The following SPPL3 variants were observed in gnomAD, a reference collection of about 807,000 sequenced individuals.
SPPL3 encodes signal peptide peptidase-like 3.
Under a neutral mutation model 42.4 loss-of-function variants are expected in SPPL3, and 5 were observed. The observed-to-expected ratio is 0.12, with a 90% CI of 0.06 to 0.25. The LOEUF is 0.25. Ranked by LOEUF, SPPL3 falls within the 10% of genes least tolerant of loss-of-function variation. SPPL3 has a pLI of 1.00. For missense variants in SPPL3, 235 were observed against 489.0 expected (o/e 0.48, Z 4.90); for synonymous variants, 195 against 181.8 (o/e 1.07, Z -0.58).
At chr12:120,834,939 T>C (rs981021388) in intron 1 of SPPL3, among the ~76,000 whole-genome samples, 3 of 152,210 alleles carry the variant, frequency 2.0e-5, no homozygotes, top group Non-Finnish European at 2.9e-5. Context: ...ATTAATACTT[T>C]AGAGATGGAA....
Position 120,794,823 on chromosome 12 carries a change from T to C in SPPL3, c.102-3266A>G, listed in dbSNP as rs147166816. Among the ~76,000 whole-genome samples the C allele has an allele frequency of 1.4e-4, 21 of 152,310 alleles. 1 individual carries two copies. Among genetic ancestry groups the C allele is most frequent in the Admixed American group, 5.2e-4 (8 of 15,304 alleles). On this transcript the variant is annotated intron_variant, in intron 2 of 10. Transcript: ENST00000353487. The stretch of plus-strand genomic sequence containing the variant: ...TATTTTATTTCCCCTTAACCTGACT[T>C]TGTTTGGATTAATATAGCATTTTTT...
intron 1 of SPPL3, among the ~76,000 whole-genome samples, chr12:120,867,881 G>A (rs1872803692): frequency 6.6e-6 from 1 of 151,804 alleles, no homozygotes; most frequent in Non-Finnish European, 1.5e-5. Flanking sequence ...CCGAGTAGCT[G>A]GGATTACAGG....
Position 120,782,733 on chromosome 12 carries a change from C to T in SPPL3, c.424G>A (p.Ala142Thr). ...GACAGAGAGAATGACAGCAACTCAG[C>T]AGCAGTGAAACGTCCACAGCAACCA... The part of the protein sequence containing the change: ...SFGCCGRFTA[A>T]ELLSFSLSVM... Residue 142 changes from alanine to threonine, a missense_variant, in exon 6 of 11, where the codon GCT becomes ACT. Transcript: ENST00000353487. The T allele has an allele frequency of 6.2e-7, 1 of 1,609,438 alleles. No homozygotes were observed. Among genetic ancestry groups the T allele is most frequent in the South Asian group, 1.1e-5 (1 of 90,250 alleles).
At chr12:120,819,993 T>C (rs1227124301) in intron 1 of SPPL3, among the ~76,000 whole-genome samples, 1 of 152,146 alleles carries the variant, frequency 6.6e-6, no homozygotes, top group Non-Finnish European at 1.5e-5. Context: ...TTAGTAGTAC[T>C]ATGAAAACCG....
intron 1 of SPPL3, among the ~76,000 whole-genome samples, chr12:120,897,248 T>C (rs2137071302): frequency 6.6e-6 from 1 of 152,314 alleles, no homozygotes; most frequent in Non-Finnish European, 1.5e-5. Flanking sequence ...ACCTGATACT[T>C]ACAGGCTGAT....
intron 1 of SPPL3, among the ~76,000 whole-genome samples, chr12:120,859,532 AAC>A (rs1323930619): frequency 1.3e-5 from 2 of 152,228 alleles, no homozygotes; most frequent in Non-Finnish European, 2.9e-5. Context: ...CAGTACTTGA[AAC>A]ACAAATCCTG....
intron 1 of SPPL3, among the ~76,000 whole-genome samples, chr12:120,851,903 C>T (rs901958160): frequency 6.6e-6 from 1 of 152,144 alleles, no homozygotes; most frequent in Non-Finnish European, 1.5e-5. Flanking sequence ...CGTACCTGGC[C>T]CGTTTCACAC....
At chr12:120,874,504 CAT>C (rs1873024453) in intron 1 of SPPL3, among the ~76,000 whole-genome samples, 1 of 146,790 alleles carries the variant, frequency 6.8e-6, no homozygotes, top group African/African-American at 2.5e-5. Flanking sequence ...ATGTAAAAGA[CAT>C]GTTTAAAACA....
In SPPL3 at chr12:120,816,121, T is replaced by C. The variant is rs552360170; in HGVS notation, c.24-5235A>G. Among the ~76,000 whole-genome samples the C allele has an allele frequency of 2.6e-5, 4 of 152,302 alleles. No individual in the cohort carries two copies. In the East Asian group the frequency reaches 7.7e-4, roughly 29 times the overall value. ...GAGCTGTAGCTACTGACTTTCTTCA[T>C]AGTCTGTTTTTCTAGATGAAGGTTT... On this transcript the variant is annotated intron_variant, in intron 1 of 10. Coordinates refer to ENST00000353487, the MANE Select transcript of SPPL3 (RefSeq NM_139015.5).
intron 1 of SPPL3, among the ~76,000 whole-genome samples, chr12:120,843,902 G>A (rs1871925882): frequency 1.3e-5 from 2 of 152,160 alleles, no homozygotes; most frequent in East Asian, 1.9e-4. Context: ...AGGTTGCAGC[G>A]AGCCAGGGTC....
chr12:120,764,978 G>A lies in SPPL3; in HGVS notation c.*21C>T. 6.2e-7 allele frequency: 1 copy of A among 1,612,308 alleles called. No homozygotes were observed. The highest frequency in any genetic ancestry group is 8.5e-7 in the Non-Finnish European group (1 of 1,179,046). On this transcript the variant is annotated 3_prime_UTR_variant, in exon 11 of 11. Transcript: ENST00000353487. ...GAGAAAAGGACTATGACGGCCATCT[G>A]GTCACTTTCCACGTGATCCATCATA...
intron 6 of SPPL3, among the ~76,000 whole-genome samples, chr12:120,780,199 G>A (rs75768616): frequency 1.3e-5 from 2 of 150,542 alleles, no homozygotes; most frequent in Admixed American, 6.6e-5. Context: ...AAAGTGCTGG[G>A]AGCCAATGCA....
chr12:120,835,589 T>C (rs1010695411), intron 1 of SPPL3: 4 of 152,246 alleles, frequency 2.6e-5, no homozygotes, highest in Non-Finnish European at 4.4e-5. Context: ...ATTTCCTTGA[T>C]TGAAAAACTC....
chr12:120,808,044 A>G (rs1870558812), intron 2 of SPPL3, among the ~76,000 whole-genome samples: 1 of 150,140 alleles, frequency 6.7e-6, no homozygotes, highest in South Asian at 2.1e-4. Flanking sequence ...GTCAAGTTAC[A>G]TCAACATTTT....
At chr12:120,841,586 A>G (rs1446124991) in intron 1 of SPPL3, among the ~76,000 whole-genome samples, 1 of 152,192 alleles carries the variant, frequency 6.6e-6, no homozygotes, top group Non-Finnish European at 1.5e-5. Flanking sequence ...AAATTGCCTC[A>G]GTTTGTTCAT....
chr12:120,790,676 A>G (rs1197937919), intron 3 of SPPL3, among the ~76,000 whole-genome samples: 1 of 152,194 alleles, frequency 6.6e-6, no homozygotes, highest in Non-Finnish European at 1.5e-5. Context: ...CTCTTTCTAC[A>G]TGGATATCAA....
intron 1 of SPPL3, among the ~76,000 whole-genome samples, chr12:120,850,610 T>C (rs1347599573): frequency 1.3e-5 from 2 of 151,824 alleles, no homozygotes; most frequent in African/African-American, 4.8e-5. Context: ...TTTCAAACAC[T>C]TTCCCTTTTT....
intron 1 of SPPL3, among the ~76,000 whole-genome samples, chr12:120,873,331 C>G (rs1023525548): frequency 2.3e-4 from 35 of 152,046 alleles, no homozygotes; most frequent in Admixed American, 1.9e-3. Flanking sequence ...TGGTCTAACA[C>G]AGCTGAACTA....
rs141346429 is a variant in SPPL3, at chr12:120,868,375, C to T, written c.23+35470G>A. On this transcript the variant is annotated intron_variant, in intron 1 of 10. Coordinates refer to ENST00000353487, the MANE Select transcript of SPPL3 (RefSeq NM_139015.5). ...CAAAAGCAATACAGGATATGTGGCA[C>T]TGCTTTTCAAAGTGTAGTCCACGGA... Among the ~76,000 whole-genome samples the T allele has an allele frequency of 8.6e-3, 1,310 of 152,320 alleles. 8 individuals carry two copies. Among genetic ancestry groups the T allele is most frequent in the South Asian group, 0.021 (99 of 4,824 alleles).
Sources: gnomAD v4.1 joint callset for allele counts (sites outside exome capture counted in the v4.1 genomes callset) on GRCh38, gnomAD v4.1.1 for gene constraint, MANE v1.5 for transcripts, NCBI Gene and HGNC (gene_info 2026-07-23, HGNC 2026-07-21) for gene names.